The following DGCR8 variants were observed in gnomAD, a reference collection of about 807,000 sequenced individuals.
The protein encoded by DGCR8 is microprocessor complex subunit DGCR8.
Under a neutral mutation model 78.5 loss-of-function variants are expected in DGCR8, and 14 were observed. The observed-to-expected ratio is 0.18, with a 90% CI of 0.12 to 0.28. The LOEUF is 0.28. DGCR8 is among the 10% of genes least tolerant of loss of function. The pLI is 1.00. For missense variants in DGCR8, 702 were observed against 1,022.5 expected (o/e 0.69, Z 4.28); for synonymous variants, 399 against 402.4 (o/e 0.99, Z 0.10).
intron 9 of DGCR8, 24 bp downstream of exon 9, chr22:20,094,819 C>G (rs1187163519): frequency 6.2e-7 from 1 of 1,608,226 alleles, no homozygotes; most frequent in Non-Finnish European, 8.5e-7. Context: ...TCCTGCCCTG[C>G]TGGGAGCTGT....
In DGCR8 at chr22:20,111,489, C is replaced by G. The variant is rs1423493085; in HGVS notation, c.*1381C>G. ...ACCTTTAAAAAAGAAACCCTCAACT[C>G]AAATTGCTATAATTAGACACTTGCT... On this transcript the variant is annotated 3_prime_UTR_variant, in exon 14 of 14. Coordinates refer to ENST00000351989, the MANE Select transcript of DGCR8 (RefSeq NM_022720.7). 1 of 398,124 alleles carries G rather than the reference C, an allele frequency of 2.5e-6. No individual in the cohort carries two copies. Among genetic ancestry groups the G allele is most frequent in the Non-Finnish European group, 4.4e-6 (1 of 226,032 alleles). 24.7% of individuals were successfully genotyped at this position (398,124 alleles called of 1,614,324 possible). A position where few individuals can be genotyped will look rare whatever the true frequency, so the allele number is the denominator to read the frequency against.
intron 9 of DGCR8, among the ~76,000 whole-genome samples, chr22:20,099,429 G>A (rs1279230510): frequency 1.3e-5 from 2 of 152,186 alleles, no homozygotes; most frequent in African/African-American, 2.4e-5. Flanking sequence ...ATCCTGCCAT[G>A]AGGCTTTTCC....
intron 9 of DGCR8, 117 bp downstream of exon 9, chr22:20,094,912 T>A: frequency 1.2e-6 from 1 of 830,214 alleles, no homozygotes; most frequent in Non-Finnish European, 2.0e-6. Flanking sequence ...GCCCTGTAGG[T>A]TAGTCTCATC....
At chr22:20,095,823 G>C (rs1453390679) in intron 9 of DGCR8, among the ~76,000 whole-genome samples, 1 of 151,924 alleles carries the variant, frequency 6.6e-6, no homozygotes, top group Non-Finnish European at 1.5e-5. Context: ...TTGTTTTCTT[G>C]CAACTAGATG....
At chr22:20,108,788 G>GC in intron 12 of DGCR8, 102 bp from the exon 13 acceptor site, 1 of 769,770 alleles carries the variant, frequency 1.3e-6, no homozygotes, top group Non-Finnish European at 2.3e-6. Context: ...CCAGACCCTG[G>GC]GCGCGCCTGC....
In DGCR8 at chr22:20,086,498, G is replaced by A. The variant is rs1459354936; in HGVS notation, c.535G>A (p.Ala179Thr). Residue 179 changes from alanine to threonine, a missense_variant, in exon 2 of 14, where the codon GCT becomes ACT. Ala to Thr is a moderately conservative substitution (Grantham distance 58, BLOSUM62 0). Transcript: ENST00000351989. The surrounding 1 kb of genome is among the most constrained non-coding windows in gnomAD (Gnocchi z 6.4). The part of the protein sequence containing the change: ...GDGVGIGGES[A>T]DKKDEENELD... Reference sequence around the variant, plus strand: ...CGGGGTAGGCATAGGGGGTGAGAGTGCTGATAAGAAGGATGAGGAGAATGA... The same window carrying A: ...CGGGGTAGGCATAGGGGGTGAGAGTACTGATAAGAAGGATGAGGAGAATGA... 43 of 1,614,046 alleles carry A rather than the reference G, an allele frequency of 2.7e-5. No individual in the cohort carries two copies. Among genetic ancestry groups the A allele is most frequent in the Non-Finnish European group, 3.5e-5 (41 of 1,180,028 alleles).
rs1003009548 is a variant in DGCR8, at chr22:20,092,659, A to G, written c.1607-150A>G. On this transcript the variant is annotated intron_variant, in intron 7 of 13. Transcript: ENST00000351989. The stretch of plus-strand genomic sequence containing the variant: ...TTGTCTGCTGCCCGTCTCCAGTCCC[A>G]GGGAGCCCCAGGTCTCTGCAGTCAA... 6.0e-5 allele frequency: 35 copies of G among 580,366 alleles called. 1 individual carries two copies. The highest frequency in any genetic ancestry group is 7.1e-4 in the Middle Eastern group (2 of 2,828). The allele number at this position is 580,366 out of a possible 1,614,324, so 36.0% of individuals were successfully genotyped here.
At chr22:20,108,766 G>C (rs2049799457) in intron 12 of DGCR8, 124 bp from the exon 13 acceptor site, 1 of 705,954 alleles carries the variant, frequency 1.4e-6, no homozygotes. Context: ...GCTCCTGGCT[G>C]TTTCGTGTCT....
Position 20,106,682 on chromosome 22 carries a change from C to T in DGCR8, c.1980C>T (p.His660=). 4.3e-6 allele frequency: 7 copies of T among 1,613,768 alleles called. No individual in the cohort carries two copies. Among genetic ancestry groups the T allele is most frequent in the South Asian group, 1.1e-5 (1 of 91,068 alleles). Residue 660 remains histidine, a synonymous_variant, in exon 11 of 14, where the codon CAC becomes CAT. Coordinates refer to ENST00000351989, the MANE Select transcript of DGCR8 (RefSeq NM_022720.7). ...AATACGTCATGGCGTGTGGCAAGCA[C>T]ACAGTGCGCGGGTGGTGTAAGGACT... ...KSEYVMACGK[H]TVRGWCKNKR... is the part of the protein sequence containing the mutation.
rs1185338054 is a variant in DGCR8, at chr22:20,108,793, G to GCCTACCTTGCCAGACCCTGGGCGCA, written c.2125-94_2125-93insACCTTGCCAGACCCTGGGCGCACCT. The GCCTACCTTGCCAGACCCTGGGCGCA allele has an allele frequency of 8.9e-5, 71 of 798,342 alleles. No homozygotes were observed. The African/African-American group carries it at 1.1e-3, about 12-fold the overall frequency. 49.5% of individuals were successfully genotyped at this position (798,342 alleles called of 1,614,324 possible). A position where few individuals can be genotyped will look rare whatever the true frequency, so the allele number is the denominator to read the frequency against. ...TTCGTGTCTGCCAGACCCTGGGCGC[G>GCCTACCTTGCCAGACCCTGGGCGCA]CCTGCCTTCAGGGTCCCAGGCACAC... On this transcript the variant is annotated intron_variant, in intron 12 of 13. Transcript: ENST00000351989.
chr22:20,109,046 T>G (rs778860927), intron 13 of DGCR8, 43 bp downstream of exon 13: 1 of 1,042,954 alleles, frequency 9.6e-7, no homozygotes, highest in Non-Finnish European at 1.5e-6. Flanking sequence ...CCACGGCCAT[T>G]CCTGTGGCAC....
chr22:20,111,714 C>A lies in DGCR8; in HGVS notation c.*1606C>A, dbSNP rs1009666310. On this transcript the variant is annotated 3_prime_UTR_variant, in exon 14 of 14. Transcript: ENST00000351989. ...TCTTGTGGTCTCTGTGCGCCCCCCC[C>A]CCCCCCCCACCCGTCTGCCAAGCAT... is the stretch of plus-strand genomic sequence containing the variant. The A allele has an allele frequency of 1.7e-5, 3 of 179,524 alleles. No homozygotes were observed. The highest frequency in any genetic ancestry group is 4.7e-5 in the African/African-American group (1 of 21,418). 11.1% of individuals were successfully genotyped at this position (179,524 alleles called of 1,614,324 possible). A position where few individuals can be genotyped will look rare whatever the true frequency, so the allele number is the denominator to read the frequency against.
At chr22:20,090,356 T>C (rs1213499462) in intron 5 of DGCR8, 98 bp downstream of exon 5, 2 of 1,400,920 alleles carry the variant, frequency 1.4e-6, no homozygotes, top group African/African-American at 2.9e-5. Flanking sequence ...CTAGTTGTAC[T>C]TGTGAGCAAG....
At chr22:20,106,357 G>C in intron 10 of DGCR8, 80 bp downstream of exon 10, 3 of 1,296,162 alleles carry the variant, frequency 2.3e-6, no homozygotes, top group Non-Finnish European at 3.3e-6. Context: ...GTGGCTGTTT[G>C]TCCCAAGGCA....
intron 7 of DGCR8, 52 bp downstream of exon 7, chr22:20,092,022 T>C: frequency 6.9e-7 from 1 of 1,457,990 alleles, no homozygotes; most frequent in South Asian, 1.2e-5. Flanking sequence ...GGTGTAACTT[T>C]GGTCAGGGCT....
chr22:20,088,536 G>A (rs1010516319), intron 3 of DGCR8, among the ~76,000 whole-genome samples: 2 of 152,112 alleles, frequency 1.3e-5, no homozygotes, highest in Non-Finnish European at 1.5e-5. Context: ...GCTTGGCTCC[G>A]TATTCCCTTT....
In DGCR8 at chr22:20,085,618, T is replaced by G; in HGVS notation, c.-277-69T>G. On this transcript the variant is annotated intron_variant, in intron 1 of 13. Transcript: ENST00000351989. The surrounding 1 kb of genome is among the most constrained non-coding windows in gnomAD (Gnocchi z 6.2). ...ACTATGCTGTTAATAGTGCTTGGCT[T>G]TTAACTTGGTACCAGGGAATTGGAA... 1 of 1,235,692 alleles carries G rather than the reference T, an allele frequency of 8.1e-7. No homozygotes were observed. 76.5% of individuals were successfully genotyped at this position (1,235,692 alleles called of 1,614,324 possible).
In DGCR8 at chr22:20,086,752, T is replaced by A; in HGVS notation, c.720+69T>A. On this transcript the variant is annotated intron_variant, in intron 2 of 13. Transcript: ENST00000351989. This position sits in a 1 kb window ranked among gnomAD's most constrained non-coding sequence, Gnocchi z 6.4. ...AAAGAGAGATTTGGGAATTGCAGCA[T>A]CTTTTGAAAGCAGGGAAATTAAAAA... The A allele has an allele frequency of 7.0e-6, 10 of 1,428,182 alleles. No individual in the cohort carries two copies. Among genetic ancestry groups the A allele is most frequent in the Non-Finnish European group, 9.3e-6 (10 of 1,072,132 alleles). The allele number at this position is 1,428,182 out of a possible 1,614,324, so 88.5% of individuals were successfully genotyped here.
intron 1 of DGCR8, among the ~76,000 whole-genome samples, chr22:20,084,411 G>C: frequency 6.6e-6 from 1 of 152,224 alleles, no homozygotes; most frequent in Non-Finnish European, 1.5e-5. Flanking sequence ...CTCTGATGCA[G>C]GGTTTTCTGG....
Sources: gnomAD v4.1 joint callset for allele counts (sites outside exome capture counted in the v4.1 genomes callset) on GRCh38, gnomAD v4.1.1 for gene constraint, Gnocchi (gnomAD v3.1) non-coding constraint, MANE v1.5 for transcripts, NCBI Gene and HGNC (gene_info 2026-07-23, HGNC 2026-07-21) for gene names.